EHMT1: variants seen among roughly 807,000 people sequenced by gnomAD.
The protein encoded by EHMT1 is euchromatic histone lysine methyltransferase 1.
Under a neutral mutation model 147.2 loss-of-function variants are expected in EHMT1, and 15 were observed. The ratio of observed to expected loss-of-function variants is 0.10; its 90% CI spans 0.07 to 0.16. The LOEUF (loss-of-function observed/expected upper bound fraction) is 0.16. EHMT1 is among the 10% of genes least tolerant of loss of function. The probability of loss-of-function intolerance (pLI) is 1.00; values close to 1 mark genes in which losing one functional copy is unlikely to be tolerated. For missense variants in EHMT1, 1,587 were observed against 1,772.4 expected (o/e 0.90, Z 1.88); for synonymous variants, 795 against 709.6 (o/e 1.12, Z -1.91).
At chr9:137,666,550 AG>A (rs1273036648) in intron 1 of EHMT1, among the ~76,000 whole-genome samples, 1 of 152,222 alleles carries the variant, frequency 6.6e-6, no homozygotes, top group African/African-American at 2.4e-5. Flanking sequence ...GTGCAGGGCA[AG>A]GGCTGGCCGT....
chr9:137,652,681 T>C (rs908690686), intron 1 of EHMT1, among the ~76,000 whole-genome samples: 3 of 151,566 alleles, frequency 2.0e-5, no homozygotes, highest in South Asian at 2.1e-4. Context: ...CCACCGCGCC[T>C]GGCTAGTGTA....
At chr9:137,728,625 G>GTAA (rs1946833718) in intron 4 of EHMT1, 96 bp downstream of exon 4, 1 of 1,541,622 alleles carries the variant, frequency 6.5e-7, no homozygotes, top group African/African-American at 1.4e-5. Context: ...AAGTGCCTGT[G>GTAA]CTGCTCTTGA....
chr9:137,833,535 C>T (rs530872533), intron 25 of EHMT1, among the ~76,000 whole-genome samples: 1 of 152,360 alleles, frequency 6.6e-6, no homozygotes, highest in East Asian at 1.9e-4. Context: ...CATCCAGGCC[C>T]CAGCAGCTCC....
chr9:137,825,016 C>G (rs1360014985), intron 25 of EHMT1, among the ~76,000 whole-genome samples: 1 of 152,130 alleles, frequency 6.6e-6, no homozygotes, highest in Admixed American at 6.6e-5. Context: ...GTGTCCTTAC[C>G]CTGTCTAATG....
At chr9:137,668,262 T>C (rs903382024) in intron 1 of EHMT1, among the ~76,000 whole-genome samples, 2 of 152,010 alleles carry the variant, frequency 1.3e-5, no homozygotes, top group Non-Finnish European at 2.9e-5. Flanking sequence ...AAATCCTTGC[T>C]TCCTTCTCCT....
chr9:137,640,092 G>A (rs1053612232), intron 1 of EHMT1, among the ~76,000 whole-genome samples: 6 of 152,046 alleles, frequency 3.9e-5, no homozygotes, highest in African/African-American at 1.2e-4. Context: ...GTGCCACTGT[G>A]CCCGGCTAAG....
chr9:137,834,984 C>T lies in EHMT1; in HGVS notation c.*31C>T. 1 of 1,378,258 alleles carries T rather than the reference C, an allele frequency of 7.3e-7. No homozygotes were observed. Among genetic ancestry groups the T allele is most frequent in the East Asian group, 3.0e-5 (1 of 33,464 alleles). 85.4% of individuals were successfully genotyped at this position (1,378,258 alleles called of 1,614,324 possible). A position where few individuals can be genotyped will look rare whatever the true frequency, so the allele number is the denominator to read the frequency against. ...CGCCGGCCAGCGGGGCGCTCGGGAG[C>T]CAGGGACCGCCGCGTCGCCGATTAG... On this transcript the variant is annotated 3_prime_UTR_variant, in exon 27 of 27. Transcript: ENST00000460843.
intron 1 of EHMT1, among the ~76,000 whole-genome samples, chr9:137,695,086 G>A (rs1030957759): frequency 6.6e-6 from 1 of 152,216 alleles, no homozygotes; most frequent in Non-Finnish European, 1.5e-5. Context: ...TGGCTGATGG[G>A]AATTTGGAGT....
At position 137,757,972 on chromosome 9, in the gene EHMT1, G is replaced by A; in HGVS notation, c.1462G>A (p.Asp488Asn). ...CATGGAAGTTTCTCTGGACTCCCTG[G>A]ATCTCCGAGTCAAAGGAATTCTGTC... ...GYMEVSLDSL[D>N]LRVKGILSSQ... The change falls in exon 9 of 27, where the codon GAT (aspartate) becomes AAT (asparagine). Residue 488 changes from aspartate to asparagine, a missense_variant. This residue lies in a region of EHMT1 where 810 missense variants were observed against 673.0 expected (regional missense o/e 1.20). Coordinates refer to ENST00000460843, the MANE Select transcript of EHMT1 (RefSeq NM_024757.5). 4 of 1,614,134 alleles carry A rather than the reference G, an allele frequency of 2.5e-6. No homozygotes were observed. Among genetic ancestry groups the A allele is most frequent in the Admixed American group, 1.7e-5 (1 of 60,020 alleles).
chr9:137,656,461 C>T (rs1326648788), intron 1 of EHMT1, among the ~76,000 whole-genome samples: 3 of 152,224 alleles, frequency 2.0e-5, no homozygotes, highest in Non-Finnish European at 2.9e-5. Context: ...AGAGTGATGA[C>T]ACTTAGATTT....
chr9:137,659,622 G>A (rs775964585), intron 1 of EHMT1, among the ~76,000 whole-genome samples: 31 of 151,226 alleles, frequency 2.0e-4, no homozygotes, highest in Admixed American at 4.0e-4. Context: ...GTGCAATCAT[G>A]GTTCACTGCG....
At chr9:137,699,065 G>A (rs1451755918) in intron 1 of EHMT1, among the ~76,000 whole-genome samples, 1 of 152,144 alleles carries the variant, frequency 6.6e-6, no homozygotes, top group East Asian at 1.9e-4. Context: ...CATCTCTTAG[G>A]TGGGCTGCTG....
chr9:137,675,270 G>A (rs1458714869), intron 1 of EHMT1: 1 of 152,144 alleles, frequency 6.6e-6, no homozygotes, highest in African/African-American at 2.4e-5. Context: ...AGACTGAAAA[G>A]GGGAGAGGCT....
At chr9:137,679,998 AGT>A (rs1379658269) in intron 1 of EHMT1, among the ~76,000 whole-genome samples, 1 of 151,910 alleles carries the variant, frequency 6.6e-6, no homozygotes, top group Admixed American at 6.6e-5. Flanking sequence ...TGTCTCAGTG[AGT>A]GTTTGATTAT....
chr9:137,798,333 CA>C (rs1953134975), intron 16 of EHMT1, among the ~76,000 whole-genome samples: 1 of 152,000 alleles, frequency 6.6e-6, no homozygotes, highest in African/African-American at 2.4e-5. Flanking sequence ...GCATGGGAAT[CA>C]GAGGCTGTGG....
intron 1 of EHMT1, among the ~76,000 whole-genome samples, chr9:137,667,713 A>G (rs1939830976): frequency 6.6e-6 from 1 of 152,148 alleles, no homozygotes; most frequent in South Asian, 2.1e-4. Flanking sequence ...TGTAAAGTAG[A>G]AGTTTTGGTG....
chr9:137,663,827 AAGGTGGAATGCATG>A (rs1285199628), intron 1 of EHMT1, among the ~76,000 whole-genome samples: 1 of 152,158 alleles, frequency 6.6e-6, no homozygotes, highest in Non-Finnish European at 1.5e-5. Context: ...ACCTGGAGAG[AAGGTGGAATGCATG>A]TCCTTGTTCC....
At chr9:137,723,209 G>GT (rs1946252702) in intron 3 of EHMT1, among the ~76,000 whole-genome samples, 1 of 89,266 alleles carries the variant, frequency 1.1e-5, no homozygotes, top group Admixed American at 1.1e-4. Flanking sequence ...TTCTGGGCCT[G>GT]AGCCCGGGGT....
intron 1 of EHMT1, among the ~76,000 whole-genome samples, chr9:137,697,918 G>A (rs1943520951): frequency 6.6e-6 from 1 of 151,492 alleles, no homozygotes; most frequent in South Asian, 2.1e-4. Flanking sequence ...CCAAAGGGAG[G>A]ATGGCACTGT....
Sources: allele counts gnomAD v4.1 joint callset (sites outside exome capture counted in the v4.1 genomes callset), GRCh38; gene constraint gnomAD v4.1.1; regional missense constraint gnomAD v4.1.1; transcripts MANE v1.5; gene names NCBI Gene and HGNC (gene_info 2026-07-23, HGNC 2026-07-21).